Variants in EEFSEC observed in about 807,000 individuals in gnomAD.
The protein encoded by EEFSEC is eukaryotic elongation factor, selenocysteine-tRNA specific.
In EEFSEC, 43 loss-of-function variants were observed where a neutral mutation model predicts 42.1. The observed-to-expected ratio is 1.02, with a 90% confidence interval of 0.80 to 1.32. The LOEUF is 1.32. Among genes scored for constraint, EEFSEC ranks in the 40% most tolerant of loss-of-function variants. The pLI is 0.00. For synonymous variants in EEFSEC, 354 were observed against 339.1 expected, an observed-to-expected ratio of 1.04 and a Z score of -0.48; for missense variants, 745 against 803.6, an observed-to-expected ratio of 0.93 and a Z score of 0.88.
intron 1 of EEFSEC, among the ~76,000 whole-genome samples, chr3:128,214,979 T>G (rs4857872): frequency 0.71 from 107,435 of 152,070 alleles, 38,178 homozygotes; most frequent in East Asian, 0.89. Flanking sequence ...TGTGGGAAAG[T>G]TGAGGTGGCT....
At position 128,153,830 on chromosome 3, in the gene EEFSEC, G is replaced by A; in HGVS notation, c.316+7G>A. ...ATCCGGACCATCATCGGCGGTGAGC[G>A]CGGGCCGGGGCGGGAGCCGGGCTCA... On this transcript the variant is annotated splice_region_variant and intron_variant, in intron 1 of 6. Transcript: ENST00000254730. 6.7e-7 allele frequency: 1 copy of A among 1,498,920 alleles called. No homozygotes were observed. Among genetic ancestry groups the A allele is most frequent in the Non-Finnish European group, 8.8e-7 (1 of 1,131,480 alleles). 92.9% of individuals were successfully genotyped at this position (1,498,920 alleles called of 1,614,324 possible).
At chr3:128,200,108 C>A (rs1194526229) in intron 1 of EEFSEC, among the ~76,000 whole-genome samples, 1 of 152,068 alleles carries the variant, frequency 6.6e-6, no homozygotes, top group Non-Finnish European at 1.5e-5. Context: ...CTACGTTTAT[C>A]TTACGACTTT....
intron 4 of EEFSEC, among the ~76,000 whole-genome samples, chr3:128,279,093 G>A (rs779969046): frequency 2.6e-5 from 4 of 152,194 alleles, no homozygotes; most frequent in South Asian, 2.1e-4. Flanking sequence ...AGGGAAGGCC[G>A]GCCGCCAGAG....
At chr3:128,379,682 C>A (rs774356693) in intron 6 of EEFSEC, among the ~76,000 whole-genome samples, 1 of 152,114 alleles carries the variant, frequency 6.6e-6, no homozygotes, top group East Asian at 1.9e-4. Context: ...TCTTTCCTTG[C>A]GGCAATCGGA....
At chr3:128,349,308 C>T (rs554682090) in intron 5 of EEFSEC, among the ~76,000 whole-genome samples, 4 of 152,230 alleles carry the variant, frequency 2.6e-5, no homozygotes, top group South Asian at 2.1e-4. Flanking sequence ...GGAGCAGGGC[C>T]GGCCCAGGCA....
intron 4 of EEFSEC, among the ~76,000 whole-genome samples, chr3:128,335,041 G>A (rs898833463): frequency 2.2e-4 from 33 of 152,340 alleles, no homozygotes; most frequent in African/African-American, 7.7e-4. Context: ...GCCAGCCCCA[G>A]GACCACCCTG....
At chr3:128,197,811 G>T (rs2065601473) in intron 1 of EEFSEC, among the ~76,000 whole-genome samples, 1 of 152,050 alleles carries the variant, frequency 6.6e-6, no homozygotes, top group Non-Finnish European at 1.5e-5. Context: ...TCTGCCCCAG[G>T]TCCCCCGGTT....
chr3:128,423,054 C>G, the EEFSEC span, among the ~76,000 whole-genome samples: 1 of 152,228 alleles, frequency 6.6e-6, no homozygotes, highest in Non-Finnish European at 1.5e-5. Context: ...GGGTCTCACC[C>G]TGTCTGTGCC....
intron 1 of EEFSEC, among the ~76,000 whole-genome samples, chr3:128,211,267 T>A (rs945097401): frequency 6.6e-6 from 1 of 152,110 alleles, no homozygotes; most frequent in Non-Finnish European, 1.5e-5. Flanking sequence ...ATTTTATTTA[T>A]TTTAGAGACA....
intron 1 of EEFSEC, among the ~76,000 whole-genome samples, chr3:128,193,092 G>T (rs2065544223): frequency 6.6e-6 from 1 of 152,128 alleles, no homozygotes. Context: ...CCTCTGCAGG[G>T]TGGCCACACT....
At chr3:128,326,372 T>C (rs2067063757) in intron 4 of EEFSEC, among the ~76,000 whole-genome samples, 1 of 152,224 alleles carries the variant, frequency 6.6e-6, no homozygotes, top group South Asian at 2.1e-4. Context: ...CCACCATCTC[T>C]TTTGCCCACC....
intron 1 of EEFSEC, among the ~76,000 whole-genome samples, chr3:128,214,161 G>A (rs2065786725): frequency 6.6e-6 from 1 of 152,174 alleles, no homozygotes; most frequent in Admixed American, 6.5e-5. Flanking sequence ...ACTGTAACCT[G>A]CTTTAAAATG....
intron 4 of EEFSEC, among the ~76,000 whole-genome samples, chr3:128,314,241 TATCC>T (rs1429913497): frequency 6.6e-6 from 1 of 152,246 alleles, no homozygotes; most frequent in Non-Finnish European, 1.5e-5. Flanking sequence ...TTTAGGGAGT[TATCC>T]AGAAAATGTT....
chr3:128,188,981 G>A (rs752963375), intron 1 of EEFSEC, among the ~76,000 whole-genome samples: 2 of 152,190 alleles, frequency 1.3e-5, no homozygotes, highest in Non-Finnish European at 2.9e-5. Flanking sequence ...ACAGGTAGGG[G>A]TAGACCCCCA....
chr3:128,267,750 G>A (rs1459229129), intron 4 of EEFSEC, among the ~76,000 whole-genome samples: 8 of 152,228 alleles, frequency 5.3e-5, no homozygotes. Flanking sequence ...TTGAAGAGAG[G>A]AGGTGTGTGA....
chr3:128,413,811 C>T, the EEFSEC span, among the ~76,000 whole-genome samples: 1 of 152,228 alleles, frequency 6.6e-6, no homozygotes, highest in Non-Finnish European at 1.5e-5. Context: ...ATAGCCACCA[C>T]CTGGCGGGCC....
At chr3:128,234,890 C>T (rs951141698) in intron 1 of EEFSEC, among the ~76,000 whole-genome samples, 3 of 152,162 alleles carry the variant, frequency 2.0e-5, no homozygotes, top group African/African-American at 7.2e-5. Context: ...GCTGGGAGCT[C>T]TTATACTTCT....
At chr3:128,422,528 C>T in the EEFSEC span, among the ~76,000 whole-genome samples, 10 of 152,204 alleles carry the variant, frequency 6.6e-5, no homozygotes, top group African/African-American at 2.4e-4. Context: ...TGCAGGGCCA[C>T]GCCTCAACAC....
At chr3:128,294,163 G>A (rs2066677563) in intron 4 of EEFSEC, among the ~76,000 whole-genome samples, 1 of 152,134 alleles carries the variant, frequency 6.6e-6, no homozygotes, top group Admixed American at 6.5e-5. Context: ...GAGCCATTAG[G>A]GGTCCTCACT....
Sources: allele counts gnomAD v4.1 joint callset (sites outside exome capture counted in the v4.1 genomes callset), GRCh38; gene constraint gnomAD v4.1.1; transcripts MANE v1.5; gene names NCBI Gene and HGNC (gene_info 2026-07-23, HGNC 2026-07-21).